The following ZNF385D variants were observed in gnomAD, a reference collection of about 807,000 sequenced individuals.
ZNF385D encodes zinc finger protein 385D, also known as zinc finger protein 659.
Under a neutral mutation model 35.8 loss-of-function variants are expected in ZNF385D, and 15 were observed. The ratio of observed to expected loss-of-function variants is 0.42; its 90% CI spans 0.28 to 0.64. ZNF385D has a LOEUF of 0.64. Ranked by LOEUF, ZNF385D falls within the 30% of genes least tolerant of loss-of-function variation. ZNF385D has a pLI of 0.23. For synonymous variants in ZNF385D, 212 were observed against 186.8 expected, an observed-to-expected ratio of 1.13 and a Z score of -1.10; for missense variants, 474 against 494.6, an observed-to-expected ratio of 0.96 and a Z score of 0.39.
intron 3 of ZNF385D, among the ~76,000 whole-genome samples, chr3:21,924,013 T>C (rs1275085588): frequency 1.3e-5 from 2 of 152,156 alleles, no homozygotes; most frequent in East Asian, 1.9e-4. Flanking sequence ...TAAAACAATA[T>C]ATTTATGCCT....
chr3:21,946,035 G>A (rs1256339600), intron 3 of ZNF385D, among the ~76,000 whole-genome samples: 1 of 152,072 alleles, frequency 6.6e-6, no homozygotes, highest in African/African-American at 2.4e-5. Context: ...TATTCACATG[G>A]CAAACTAGCT....
intron 3 of ZNF385D, among the ~76,000 whole-genome samples, chr3:22,043,443 AT>A (rs1262908418): frequency 1.3e-5 from 2 of 152,172 alleles, no homozygotes; most frequent in African/African-American, 4.8e-5. Context: ...ACATGATTCT[AT>A]TTTAAAACAA....
intron 2 of ZNF385D, among the ~76,000 whole-genome samples, chr3:22,212,643 T>C: frequency 6.6e-6 from 1 of 151,920 alleles, no homozygotes; most frequent in Non-Finnish European, 1.5e-5. Context: ...CCATTCCTAA[T>C]GCCAATATAA....
At chr3:22,048,298 T>C (rs912286676) in intron 3 of ZNF385D, among the ~76,000 whole-genome samples, 41 of 152,154 alleles carry the variant, frequency 2.7e-4, no homozygotes, top group African/African-American at 9.2e-4. Flanking sequence ...TTGTTCCCTG[T>C]GCCTTTTGGG....
chr3:21,835,217 G>GA lies in ZNF385D; in HGVS notation c.326-170190dup, dbSNP rs149579941. ...AGATGCTCAACAGCTAAGAAGGAAAGAAAAAAACTAGTGAGGCTATGTATA... is the reference window on the plus strand; with the variant it reads ...AGATGCTCAACAGCTAAGAAGGAAAGAAAAAAAACTAGTGAGGCTATGTATA... On this transcript the variant is annotated intron_variant, in intron 3 of 5. Transcript: ENST00000494108. Among the ~76,000 whole-genome samples the GA allele has an allele frequency of 1.1e-4, 17 of 150,884 alleles. No homozygotes were observed. The East Asian group carries it at 3.4e-3, about 30-fold the overall frequency.
chr3:22,141,214 A>G (rs1028213828), intron 3 of ZNF385D, among the ~76,000 whole-genome samples: 2 of 152,196 alleles, frequency 1.3e-5, no homozygotes, highest in African/African-American at 4.8e-5. Flanking sequence ...AATGTACAAC[A>G]ATAAAGATTT....
chr3:21,586,678 G>GCTGT (rs2063820110), intron 2 of ZNF385D, among the ~76,000 whole-genome samples: 1 of 152,192 alleles, frequency 6.6e-6, no homozygotes, highest in African/African-American at 2.4e-5. Context: ...CGGGAAGGAT[G>GCTGT]CTGTCTACAT....
intron 3 of ZNF385D, among the ~76,000 whole-genome samples, chr3:21,832,148 C>A (rs922705704): frequency 1.3e-5 from 2 of 152,032 alleles, no homozygotes; most frequent in Non-Finnish European, 2.9e-5. Flanking sequence ...TTATTTGTAA[C>A]AAATTTTACA....
intron 3 of ZNF385D, among the ~76,000 whole-genome samples, chr3:22,033,668 G>A (rs1006302598): frequency 6.6e-6 from 1 of 151,794 alleles, no homozygotes; most frequent in African/African-American, 2.4e-5. Context: ...AAGAAATTAA[G>A]GTGATTATAA....
intron 1 of ZNF385D, among the ~76,000 whole-genome samples, chr3:21,711,039 GTTTTTTT>G (rs869252663): frequency 1.2e-5 from 1 of 83,154 alleles, no homozygotes; most frequent in African/African-American, 5.1e-5. Flanking sequence ...CCCTCTAAAA[GTTTTTTT>G]TTTTTTTTTT....
At chr3:22,196,899 A>C (rs918464088) in intron 2 of ZNF385D, among the ~76,000 whole-genome samples, 1 of 152,080 alleles carries the variant, frequency 6.6e-6, no homozygotes, top group Non-Finnish European at 1.5e-5. Context: ...ATGGGTCTGC[A>C]GGTGGCAAAT....
At chr3:22,042,751 A>G (rs1237076160) in intron 3 of ZNF385D, among the ~76,000 whole-genome samples, 2 of 152,192 alleles carry the variant, frequency 1.3e-5, no homozygotes, top group Non-Finnish European at 2.9e-5. Flanking sequence ...AAATTATTGT[A>G]AAGGTCTAAT....
At chr3:21,990,439 T>G (rs1486509117) in intron 3 of ZNF385D, among the ~76,000 whole-genome samples, 1 of 152,218 alleles carries the variant, frequency 6.6e-6, no homozygotes, top group Non-Finnish European at 1.5e-5. Flanking sequence ...ATATTGCCTG[T>G]GCCTTTATCA....
At chr3:21,940,359 G>A (rs913632373) in intron 3 of ZNF385D, among the ~76,000 whole-genome samples, 21 of 152,234 alleles carry the variant, frequency 1.4e-4, no homozygotes, top group South Asian at 4.1e-4. Flanking sequence ...TGTATCTCAC[G>A]TTCTTCGTCT....
intron 3 of ZNF385D, among the ~76,000 whole-genome samples, chr3:22,016,248 T>G (rs767880321): frequency 6.6e-6 from 1 of 152,048 alleles, no homozygotes; most frequent in Non-Finnish European, 1.5e-5. Context: ...CCACTAGCAT[T>G]TGGTGGGTAG....
intron 1 of ZNF385D, among the ~76,000 whole-genome samples, chr3:21,750,059 A>G (rs190828590): frequency 1.6e-3 from 250 of 152,378 alleles, no homozygotes; most frequent in Non-Finnish European, 2.7e-3. Context: ...GAAGGAAAGC[A>G]TAACTTCAGA....
Position 22,126,721 on chromosome 3 carries a change from TATA to T in ZNF385D, c.325+42093_325+42095del, listed in dbSNP as rs567098502. 1.6e-4 allele frequency among the ~76,000 whole-genome samples: 25 copies of T among 152,258 alleles called. No individual in the cohort carries two copies. The East Asian group carries it at 4.4e-3, about 27-fold the overall frequency. Reference sequence around the variant, plus strand: ...CATTTGGTCTATGGAGCAGATTAGTTATAATATCTCTTTGTTGATTTTCTGTGT... The same window carrying T: ...CATTTGGTCTATGGAGCAGATTAGTTATATCTCTTTGTTGATTTTCTGTGT... On this transcript the variant is annotated intron_variant, in intron 3 of 5. Coordinates refer to the ZNF385D transcript ENST00000494108.
intron 1 of ZNF385D, among the ~76,000 whole-genome samples, chr3:21,741,849 G>A (rs56074793): frequency 0.38 from 57,771 of 151,912 alleles, 11,853 homozygotes; most frequent in East Asian, 0.51. Context: ...TGCCCTGCTC[G>A]CTTTCTCTTC....
chr3:21,460,051 A>G (rs1703066722), intron 4 of ZNF385D, among the ~76,000 whole-genome samples: 1 of 152,126 alleles, frequency 6.6e-6, no homozygotes, highest in Non-Finnish European at 1.5e-5. Context: ...TTCTCAGTCA[A>G]TTTACTCTGA....
Sources: gnomAD v4.1 joint callset for allele counts (sites outside exome capture counted in the v4.1 genomes callset) on GRCh38, gnomAD v4.1.1 for gene constraint, MANE v1.5 for transcripts, NCBI Gene and HGNC (gene_info 2026-07-23, HGNC 2026-07-21) for gene names.